Variants in WNT7A observed in about 807,000 individuals in gnomAD.
WNT7A encodes protein Wnt-7a.
In WNT7A, 16 loss-of-function variants were observed where a neutral mutation model predicts 28.2. That is an observed-to-expected ratio of 0.57 (90% CI 0.38 to 0.86). WNT7A has a LOEUF of 0.86. Among genes scored for constraint, WNT7A ranks in the 40% least tolerant of loss-of-function variants. The pLI, the probability that WNT7A is intolerant of heterozygous loss-of-function variation, is 0.00. For synonymous variants in WNT7A, 190 were observed against 195.9 expected, an observed-to-expected ratio of 0.97 and a Z score of 0.25; for missense variants, 411 against 489.7, an observed-to-expected ratio of 0.84 and a Z score of 1.52.
At chr3:13,863,635 G>T (rs1575072139) in intron 2 of WNT7A, 1 of 152,300 alleles carries the variant, frequency 6.6e-6, no homozygotes, top group East Asian at 1.9e-4. Flanking sequence ...TTTGTTAGCT[G>T]CATTCTAAGC....
chr3:13,858,965 G>A (rs1018699945), intron 2 of WNT7A, among the ~76,000 whole-genome samples: 5 of 152,138 alleles, frequency 3.3e-5, no homozygotes, highest in African/African-American at 7.2e-5. Flanking sequence ...TTGACCCTTC[G>A]TTGCTTCCTC....
rs768537831 is a variant in WNT7A, at chr3:13,879,834, G to C, written c.-18C>G. ...CGGTTCATAGTCCCGATTGGCCGCCGGGGCCGCGGGCCGGGCTGTGCTGAT... is the reference window on the plus strand; with the variant it reads ...CGGTTCATAGTCCCGATTGGCCGCCCGGGCCGCGGGCCGGGCTGTGCTGAT... On this transcript the variant is annotated 5_prime_UTR_variant, in exon 1 of 4. Coordinates refer to ENST00000285018, the MANE Select transcript of WNT7A (RefSeq NM_004625.4). 4.4e-6 allele frequency: 7 copies of C among 1,606,530 alleles called. No individual in the cohort carries two copies. Among genetic ancestry groups the C allele is most frequent in the South Asian group, 1.1e-5 (1 of 90,120 alleles).
At chr3:13,853,630 C>T (rs372754236) in intron 3 of WNT7A, among the ~76,000 whole-genome samples, 20 of 152,232 alleles carry the variant, frequency 1.3e-4, no homozygotes, top group African/African-American at 4.8e-4. Context: ...TCTGACAGTT[C>T]CCAGTGTCTG....
At chr3:13,833,080 C>T (rs1043049413) in intron 3 of WNT7A, among the ~76,000 whole-genome samples, 1 of 152,092 alleles carries the variant, frequency 6.6e-6, no homozygotes, top group Non-Finnish European at 1.5e-5. Flanking sequence ...TCCTACCCCC[C>T]CAGTAACCTG....
intron 3 of WNT7A, among the ~76,000 whole-genome samples, chr3:13,831,637 G>T (rs1694280402): frequency 6.6e-6 from 1 of 152,084 alleles, no homozygotes; most frequent in South Asian, 2.1e-4. Context: ...TCCTCCCTAG[G>T]CACTGCCCTC....
intron 2 of WNT7A, among the ~76,000 whole-genome samples, chr3:13,856,883 A>AG (rs1559303143): frequency 8.2e-5 from 6 of 73,014 alleles, no homozygotes; most frequent in African/African-American, 4.5e-4. Flanking sequence ...AAGAAGAGGA[A>AG]GAAGAAGAAA....
chr3:13,856,814 TGAA>T (rs756795058), intron 2 of WNT7A, among the ~76,000 whole-genome samples: 22 of 140,074 alleles, frequency 1.6e-4, no homozygotes, highest in Non-Finnish European at 2.5e-4. Context: ...CGAAACTCCA[TGAA>T]GAAGAAGAAG....
intron 2 of WNT7A, among the ~76,000 whole-genome samples, chr3:13,866,089 T>C (rs1378253083): frequency 1.3e-5 from 2 of 152,148 alleles, no homozygotes; most frequent in Non-Finnish European, 2.9e-5. Flanking sequence ...CAGCTGCATC[T>C]CCCAAGTACC....
rs922459865 is a variant in WNT7A at position 13,818,177 on chromosome 3, C to T, written c.*767G>A. On this transcript the variant is annotated 3_prime_UTR_variant, in exon 4 of 4. Transcript: ENST00000285018. ...CTCTCTTATCCGGTGGCTCACTTTC[C>T]GAAAGATGGAAACTGCTGGGAATTT... The T allele has an allele frequency of 2.6e-5, 4 of 151,710 alleles. No homozygotes were observed. Among genetic ancestry groups the T allele is most frequent in the Admixed American group, 6.6e-5 (1 of 15,226 alleles). The allele number at this position is 151,710 out of a possible 1,614,324, so 9.4% of individuals were successfully genotyped here.
chr3:13,832,052 G>T (rs995594770), intron 3 of WNT7A, among the ~76,000 whole-genome samples: 3 of 151,894 alleles, frequency 2.0e-5, no homozygotes, highest in Non-Finnish European at 4.4e-5. Flanking sequence ...CCCATCCAGA[G>T]CTGCCACCAC....
chr3:13,826,355 G>A (rs1694196188), intron 3 of WNT7A, among the ~76,000 whole-genome samples: 2 of 152,188 alleles, frequency 1.3e-5, no homozygotes, highest in African/African-American at 2.4e-5. Context: ...CCCGTGAGAT[G>A]CTCCTGTGTG....
rs371167135 is a variant in WNT7A, at chr3:13,834,060, C to T, written c.571-14637G>A. On this transcript the variant is annotated intron_variant, in intron 3 of 3. Coordinates refer to ENST00000285018, the MANE Select transcript of WNT7A (RefSeq NM_004625.4). Reference sequence around the variant, plus strand: ...CACCAATGGTGGCCCTGAAGGAAAGCGCAAACTTGCTCCCGTTCCTGTGGT... The same window carrying T: ...CACCAATGGTGGCCCTGAAGGAAAGTGCAAACTTGCTCCCGTTCCTGTGGT... Among the ~76,000 whole-genome samples the T allele has an allele frequency of 5.3e-5, 8 of 152,284 alleles. No homozygotes were observed. The East Asian group carries it at 9.7e-4, about 18-fold the overall frequency.
chr3:13,867,126 T>C (rs2124871884), intron 2 of WNT7A, among the ~76,000 whole-genome samples: 1 of 152,240 alleles, frequency 6.6e-6, no homozygotes, highest in Middle Eastern at 3.4e-3. Context: ...TGGATAACAA[T>C]GAGCCAGGCT....
chr3:13,836,310 T>C (rs1035156939), intron 3 of WNT7A, among the ~76,000 whole-genome samples: 1 of 151,804 alleles, frequency 6.6e-6, no homozygotes, highest in African/African-American at 2.4e-5. Context: ...GGCCCTCGTG[T>C]GGGCATGCAG....
At chr3:13,846,870 C>T (rs1694545205) in intron 3 of WNT7A, among the ~76,000 whole-genome samples, 1 of 152,184 alleles carries the variant, frequency 6.6e-6, no homozygotes, top group Non-Finnish European at 1.5e-5. Flanking sequence ...TCAGGGCCTG[C>T]CCCGGCTGCC....
chr3:13,875,421 C>CA (rs1695096771), intron 1 of WNT7A, among the ~76,000 whole-genome samples: 1 of 151,728 alleles, frequency 6.6e-6, no homozygotes, highest in African/African-American at 2.4e-5. Context: ...GTTTTAGAAA[C>CA]AAAAAAAGAT....
At chr3:13,874,141 A>G (rs1331895646) in intron 2 of WNT7A, among the ~76,000 whole-genome samples, 1 of 152,150 alleles carries the variant, frequency 6.6e-6, no homozygotes, top group Non-Finnish European at 1.5e-5. Context: ...ATACCCAAAG[A>G]TATCCAAGGC....
At chr3:13,866,425 G>A (rs1411953582) in intron 2 of WNT7A, among the ~76,000 whole-genome samples, 2 of 152,232 alleles carry the variant, frequency 1.3e-5, no homozygotes, top group African/African-American at 2.4e-5. Flanking sequence ...AAATGACCAA[G>A]CAGTAAGCTT....
chr3:13,838,131 C>T (rs1259893289), intron 3 of WNT7A, among the ~76,000 whole-genome samples: 7 of 151,658 alleles, frequency 4.6e-5, no homozygotes, highest in Non-Finnish European at 8.8e-5. Flanking sequence ...GCGGTGGGGC[C>T]TCTTCCCCTG....
Sources: allele counts gnomAD v4.1 joint callset (sites outside exome capture counted in the v4.1 genomes callset), GRCh38; gene constraint gnomAD v4.1.1; transcripts MANE v1.5; gene names NCBI Gene and HGNC (gene_info 2026-07-23, HGNC 2026-07-21).